Variants in FMO5 observed in about 807,000 individuals in gnomAD.
FMO5 encodes the protein flavin containing dimethylaniline monoxygenase 5.
In FMO5, 51 loss-of-function variants were observed where a neutral mutation model predicts 43.6. The observed-to-expected ratio is 1.17, with a 90% CI of 0.93 to 1.48. FMO5 has a LOEUF of 1.48. Among genes scored for constraint, FMO5 ranks in the 40% most tolerant of loss-of-function variants. The pLI, the probability that FMO5 is intolerant of heterozygous loss-of-function variation, is 0.00. For synonymous variants in FMO5, 187 were observed against 216.5 expected, an observed-to-expected ratio of 0.86 and a Z score of 1.20; for missense variants, 644 against 643.0, an observed-to-expected ratio of 1.00 and a Z score of -0.02.
At chr1:147,204,208 G>C in intron 6 of FMO5, 1 of 1,382,300 alleles carries the variant, frequency 7.2e-7, no homozygotes, top group Non-Finnish European at 1.0e-6. Context: ...AAGGACAAGA[G>C]TACACTGCTA....
intron 5 of FMO5, chr1:147,211,111 T>C (rs1284743637): frequency 6.6e-6 from 1 of 152,208 alleles, no homozygotes; most frequent in Admixed American, 6.5e-5. Context: ...TATGCAGACA[T>C]AGTTTTCCTT....
chr1:147,226,197 G>C (rs1553927829), upstream of FMO5, among the ~76,000 whole-genome samples: 3 of 151,452 alleles, frequency 2.0e-5, no homozygotes, highest in Admixed American at 2.0e-4. Context: ...TAGTAGCAGT[G>C]GTCTCCTTCC....
At chr1:147,192,087 T>C (rs1656976083) in intron 7 of FMO5, among the ~76,000 whole-genome samples, 1 of 152,176 alleles carries the variant, frequency 6.6e-6, no homozygotes, top group Non-Finnish European at 1.5e-5. Context: ...ATTTAATCTA[T>C]AAATTACCTT....
chr1:147,205,082 G>C (rs1659752495), intron 6 of FMO5: 1 of 612,946 alleles, frequency 1.6e-6, no homozygotes, highest in Non-Finnish European at 2.9e-6. Context: ...GCAAGTCCTG[G>C]AGCATAATGT....
Position 147,198,040 on chromosome 1 carries a change from G to T in FMO5, c.1183+3112C>A, listed in dbSNP as rs988901286. On this transcript the variant is annotated intron_variant, in intron 7 of 8. Transcript: ENST00000254090. ...GTCTGCTGTCAGCCTAAAGCAGGTT[G>T]TATCTGTGTAATCCTGACTTGCTCC... 2.6e-5 allele frequency among the ~76,000 whole-genome samples: 4 copies of T among 152,156 alleles called. No homozygotes were observed. The East Asian group carries it at 7.7e-4, about 29-fold the overall frequency.
chr1:147,204,950 C>A (rs1659712711), intron 6 of FMO5: 3 of 1,479,302 alleles, frequency 2.0e-6, no homozygotes, highest in Non-Finnish European at 2.8e-6. Flanking sequence ...CTGCAGGAAG[C>A]CGTTCACGTG....
At chr1:147,224,605 G>A (rs587632833) in intron 2 of FMO5, among the ~76,000 whole-genome samples, 1 of 152,130 alleles carries the variant, frequency 6.6e-6, no homozygotes, top group African/African-American at 2.4e-5. Flanking sequence ...TGCCTCCCAA[G>A]TTCACCCCAT....
chr1:147,196,217 G>A (rs1657968422), intron 7 of FMO5, among the ~76,000 whole-genome samples: 1 of 152,084 alleles, frequency 6.6e-6, no homozygotes, highest in South Asian at 2.1e-4. Context: ...GAACTCAGAA[G>A]TTCATCACTC....
intron 7 of FMO5, among the ~76,000 whole-genome samples, chr1:147,192,674 C>T (rs1395962862): frequency 6.6e-6 from 1 of 152,008 alleles, no homozygotes; most frequent in Non-Finnish European, 1.5e-5. Context: ...TTATTATTTT[C>T]AGATACATCC....
Position 147,224,886 on chromosome 1 carries a change from T to G in FMO5, c.135+9A>C, listed in dbSNP as rs1553927172. 1 of 1,613,238 alleles carries G rather than the reference T, an allele frequency of 6.2e-7. No individual in the cohort carries two copies. The highest frequency in any genetic ancestry group is 1.3e-5 in the African/African-American group (1 of 74,854). ...TTTCAAGTATTAAGGGACTAGGAGA[T>G]GTATGTACCTGGAACCTCCAGAGCC... On this transcript the variant is annotated intron_variant, in intron 2 of 8. Transcript: ENST00000254090.
At chr1:147,208,809 G>T in intron 6 of FMO5, 43 bp downstream of exon 6, 1 of 1,525,286 alleles carries the variant, frequency 6.6e-7, no homozygotes, top group Non-Finnish European at 9.1e-7. Context: ...CCTTATTCTT[G>T]TGCTTTGGCC....
intron 8 of FMO5, 55 bp from the exon 9 acceptor site, chr1:147,187,300 A>G (rs1655792533): frequency 1.5e-6 from 2 of 1,311,600 alleles, no homozygotes; most frequent in Non-Finnish European, 2.1e-6. Context: ...CAGTCAGTCA[A>G]TCAATTACTG....
chr1:147,208,444 C>CTTTTTTTTTTTT (rs11374254), intron 6 of FMO5: 3 of 145,570 alleles, frequency 2.1e-5, no homozygotes, highest in African/African-American at 2.5e-5. Flanking sequence ...CTTTTCTTTT[C>CTTTTTTTTTTTT]TTTTTTTTTT....
At chr1:147,226,147 GT>G (rs1469112563), upstream of FMO5, among the ~76,000 whole-genome samples, 17 of 144,350 alleles carry the variant, frequency 1.2e-4, no homozygotes, top group Non-Finnish European at 1.5e-5. Context: ...CTCTCCTCCT[GT>G]CTTGTGAACG....
chr1:147,216,213 A>G (rs1661966323), intron 2 of FMO5, among the ~76,000 whole-genome samples: 1 of 152,166 alleles, frequency 6.6e-6, no homozygotes, highest in South Asian at 2.1e-4. Flanking sequence ...GGGTCTCAGA[A>G]AGCTCGCTCT....
downstream of FMO5, among the ~76,000 whole-genome samples, chr1:147,185,553 T>C (rs1655546740): frequency 1.3e-5 from 2 of 152,198 alleles, no homozygotes; most frequent in African/African-American, 2.4e-5. Flanking sequence ...GGGCCGGCAA[T>C]TGTTCAAATG....
At position 147,212,482 on chromosome 1, in the gene FMO5, C is replaced by T; in HGVS notation, c.541G>A (p.Glu181Lys). Residue 181 changes from glutamate to lysine, a missense_variant, in exon 5 of 9, where the codon GAG becomes AAG. Glu to Lys is a moderately conservative substitution (Grantham distance 56, BLOSUM62 1). Transcript: ENST00000254090. The stretch of plus-strand genomic sequence containing the variant: ...ATGACTCTCTTTCCAGTGAATCCCT[C>T]TGGGTTCTTATAGTCTCGACTGTGG... ...YFHSRDYKNP[E>K]GFTGKRVIII... 6 of 1,613,900 alleles carry T rather than the reference C, an allele frequency of 3.7e-6. No homozygotes were observed. The Middle Eastern group carries it at 9.9e-4, about 266-fold the overall frequency.
intron 2 of FMO5, among the ~76,000 whole-genome samples, chr1:147,216,360 A>G (rs17355962): frequency 0.037 from 5,595 of 152,300 alleles, 146 homozygotes; most frequent in South Asian, 0.095. Context: ...TACCTATTCT[A>G]TTCTATCCCA....
rs1659524984 is a variant in FMO5 at position 147,204,073 on chromosome 1, ACC to A, written c.831-2571_831-2570del. ...TGCCACCTGTTACTACAACATTTGC[ACC>A]AGTATCAGCAATAGCTTTGACTTAT... On this transcript the variant is annotated intron_variant, in intron 6 of 8. Coordinates refer to ENST00000254090, the MANE Select transcript of FMO5 (RefSeq NM_001461.4). The A allele has an allele frequency of 6.1e-6, 7 of 1,141,470 alleles. No homozygotes were observed. In the South Asian group the frequency reaches 8.6e-5, roughly 14 times the overall value. The allele number at this position is 1,141,470 out of a possible 1,614,324, so 70.7% of individuals were successfully genotyped here. A position where few individuals can be genotyped will look rare whatever the true frequency, so the allele number is the denominator to read the frequency against.
Sources: gnomAD v4.1 joint callset for allele counts (sites outside exome capture counted in the v4.1 genomes callset) on GRCh38, gnomAD v4.1.1 for gene constraint, MANE v1.5 for transcripts, NCBI Gene and HGNC (gene_info 2026-07-23, HGNC 2026-07-21) for gene names.